The following SAMD12 variants were observed in gnomAD, a reference collection of about 807,000 sequenced individuals.
SAMD12 encodes sterile alpha motif domain-containing protein 12.
In SAMD12, 9 loss-of-function variants were observed where a neutral mutation model predicts 15.0. That is an observed-to-expected ratio of 0.60 (90% confidence interval 0.36 to 1.05). SAMD12 has a LOEUF of 1.05. Ranked by LOEUF, SAMD12 falls within the 50% of genes least tolerant of loss-of-function variation. The pLI is 0.01. For missense variants in SAMD12, 230 were observed against 234.2 expected (o/e 0.98, Z 0.12); for synonymous variants, 86 against 90.1 (o/e 0.96, Z 0.25).
the SAMD12 span, among the ~76,000 whole-genome samples, chr8:118,152,018 G>T: frequency 6.6e-6 from 1 of 152,028 alleles, no homozygotes; most frequent in Non-Finnish European, 1.5e-5. Flanking sequence ...AGAGTGAAAA[G>T]ATTAGATTTA....
chr8:118,348,516 C>T (rs954424380), intron 4 of SAMD12, among the ~76,000 whole-genome samples: 6 of 152,012 alleles, frequency 3.9e-5, no homozygotes, highest in Admixed American at 2.0e-4. Context: ...GAACTACAGG[C>T]GCCTGCCACC....
chr8:118,350,288 T>C (rs1817893628), intron 4 of SAMD12, among the ~76,000 whole-genome samples: 1 of 152,238 alleles, frequency 6.6e-6, no homozygotes, highest in South Asian at 2.1e-4. Flanking sequence ...CTTCCTCTTC[T>C]AGCTGCTTCA....
At chr8:118,495,553 G>C (rs1824584100) in intron 2 of SAMD12, among the ~76,000 whole-genome samples, 1 of 98,242 alleles carries the variant, frequency 1.0e-5, no homozygotes, top group East Asian at 5.5e-4. Flanking sequence ...ATTCATGTAG[G>C]CTTTTTTTTT....
chr8:118,253,845 A>G (rs1195639984), intron 4 of SAMD12, among the ~76,000 whole-genome samples: 1 of 152,186 alleles, frequency 6.6e-6, no homozygotes, highest in African/African-American at 2.4e-5. Context: ...TAATTCCAAC[A>G]TATTTACTGA....
At chr8:118,518,818 C>T (rs181089514) in intron 2 of SAMD12, among the ~76,000 whole-genome samples, 1 of 152,300 alleles carries the variant, frequency 6.6e-6, no homozygotes, top group East Asian at 1.9e-4. Flanking sequence ...AACTAAGATG[C>T]ATGTTCCTGG....
chr8:118,490,383 T>G (rs1210768185), intron 2 of SAMD12, among the ~76,000 whole-genome samples: 1 of 152,194 alleles, frequency 6.6e-6, no homozygotes, highest in Non-Finnish European at 1.5e-5. Context: ...TTCGTGTTGA[T>G]GAAGGATTGC....
chr8:118,252,291 G>A (rs948150662), intron 4 of SAMD12, among the ~76,000 whole-genome samples: 3 of 152,178 alleles, frequency 2.0e-5, no homozygotes, highest in Admixed American at 2.0e-4. Flanking sequence ...TTTTGCTAAT[G>A]CTTGGAGGAC....
chr8:118,285,863 A>T (rs753888406), intron 4 of SAMD12, among the ~76,000 whole-genome samples: 8 of 152,170 alleles, frequency 5.3e-5, no homozygotes, highest in Non-Finnish European at 7.4e-5. Flanking sequence ...AACCTTTGAT[A>T]CTTAGAGAAA....
chr8:118,598,875 T>G (rs553492955), intron 1 of SAMD12, among the ~76,000 whole-genome samples: 1 of 152,170 alleles, frequency 6.6e-6, no homozygotes, highest in Non-Finnish European at 1.5e-5. Flanking sequence ...CCTGAGTCAA[T>G]TGATCCTCAT....
the SAMD12 span, among the ~76,000 whole-genome samples, chr8:118,182,991 T>C: frequency 1.3e-5 from 2 of 152,190 alleles, no homozygotes; most frequent in African/African-American, 4.8e-5. Flanking sequence ...CAATATCGAA[T>C]TAGCTAGTTT....
At position 118,550,596 on chromosome 8, in the gene SAMD12, A is replaced by C. The variant is rs1262041999; in HGVS notation, c.192+30119T>G. On this transcript the variant is annotated intron_variant, in intron 2 of 3. Coordinates refer to ENST00000314727, the MANE Select transcript of SAMD12 (RefSeq NM_207506.3). ...ATCATGCCAAAATGTAAAGACCATC[A>C]AGACTAGGAAGAAACTACATCAACT... Among the ~76,000 whole-genome samples the C allele has an allele frequency of 8.5e-5, 13 of 152,288 alleles. No homozygotes were observed. In the East Asian group the frequency reaches 2.3e-3, roughly 27 times the overall value.
the SAMD12 span, among the ~76,000 whole-genome samples, chr8:118,148,223 C>T: frequency 1.3e-5 from 2 of 152,050 alleles, no homozygotes; most frequent in Middle Eastern, 3.2e-3. Context: ...GCTGGGATTA[C>T]AGGCATAAGC....
chr8:118,145,873 C>T, the SAMD12 span, among the ~76,000 whole-genome samples: 13 of 152,178 alleles, frequency 8.5e-5, no homozygotes, highest in Non-Finnish European at 1.3e-4. Flanking sequence ...CCAAAAAGAT[C>T]GTGGCCTCAG....
intron 2 of SAMD12, among the ~76,000 whole-genome samples, chr8:118,475,172 G>A (rs529219292): frequency 3.9e-5 from 6 of 152,160 alleles, no homozygotes; most frequent in Non-Finnish European, 8.8e-5. Context: ...CTGGGAGGTG[G>A]AGGTTGCAGT....
At chr8:118,318,336 AT>A (rs1816045653) in intron 4 of SAMD12, among the ~76,000 whole-genome samples, 1 of 140,848 alleles carries the variant, frequency 7.1e-6, no homozygotes, top group Non-Finnish European at 1.5e-5. Flanking sequence ...ATATATATAT[AT>A]ATATATATAT....
intron 4 of SAMD12, among the ~76,000 whole-genome samples, chr8:118,353,350 G>A (rs577896931): frequency 1.3e-5 from 2 of 151,662 alleles, no homozygotes; most frequent in African/African-American, 4.8e-5. Context: ...ATATGTTGAA[G>A]CCTTAATTCC....
chr8:118,256,394 C>G (rs1812939860), intron 4 of SAMD12, among the ~76,000 whole-genome samples: 1 of 152,068 alleles, frequency 6.6e-6, no homozygotes, highest in Non-Finnish European at 1.5e-5. Flanking sequence ...GAACATATTT[C>G]CTCATTGAAG....
chr8:118,228,538 G>T (rs1354880337), intron 4 of SAMD12, among the ~76,000 whole-genome samples: 3 of 152,132 alleles, frequency 2.0e-5, no homozygotes, highest in African/African-American at 4.8e-5. Context: ...ATGAAAAAAT[G>T]CTCAACATTA....
chr8:118,155,884 T>C, the SAMD12 span, among the ~76,000 whole-genome samples: 2 of 152,220 alleles, frequency 1.3e-5, no homozygotes, highest in African/African-American at 4.8e-5. Context: ...TTTTGCTTTC[T>C]CATTCTTTAC....
Sources: allele counts gnomAD v4.1 joint callset (sites outside exome capture counted in the v4.1 genomes callset), GRCh38; gene constraint gnomAD v4.1.1; transcripts MANE v1.5; gene names NCBI Gene and HGNC (gene_info 2026-07-23, HGNC 2026-07-21).